The following STARD6 variants were observed in gnomAD, a reference collection of about 807,000 sequenced individuals.
The protein encoded by STARD6 is stAR-related lipid transfer protein 6.
A neutral mutation model predicts 22.3 loss-of-function variants in STARD6; 21 were observed. The ratio of observed to expected loss-of-function variants is 0.94; its 90% confidence interval spans 0.67 to 1.35. The LOEUF (loss-of-function observed/expected upper bound fraction) is 1.35. Among genes scored for constraint, STARD6 ranks in the 40% most tolerant of loss-of-function variants. The pLI, the probability that STARD6 is intolerant of heterozygous loss-of-function variation, is 0.00. For synonymous variants in STARD6, 80 were observed against 88.1 expected (o/e 0.91, Z 0.52); for missense variants, 269 against 266.9 (o/e 1.01, Z -0.05).
chr18:54,336,839 C>G (rs1467329589), intron 5 of STARD6, among the ~76,000 whole-genome samples: 2 of 152,152 alleles, frequency 1.3e-5, no homozygotes, highest in Non-Finnish European at 2.9e-5. Context: ...CTTTGTTTTC[C>G]ATGTAATGGA....
At chr18:54,328,501 G>T (rs145940834) in intron 7 of STARD6, among the ~76,000 whole-genome samples, 84 of 152,252 alleles carry the variant, frequency 5.5e-4, no homozygotes, top group African/African-American at 1.9e-3. Context: ...ACCATACATT[G>T]TTATTATTAT....
chr18:54,352,128 TG>T (rs2089103826), intron 4 of STARD6, among the ~76,000 whole-genome samples: 2 of 149,592 alleles, frequency 1.3e-5, no homozygotes, highest in Non-Finnish European at 1.5e-5. Flanking sequence ...TACTTGTTTT[TG>T]TTTTTTTTTT....
intron 4 of STARD6, among the ~76,000 whole-genome samples, chr18:54,342,144 C>T (rs553515971): frequency 3.9e-5 from 6 of 152,274 alleles, no homozygotes; most frequent in African/African-American, 9.6e-5. Flanking sequence ...AAATGGACAA[C>T]GTCCTAGAAA....
rs1243631041 is a variant in STARD6, at chr18:54,337,182, G to A, written c.210C>T (p.Asp70=). 6.2e-7 allele frequency: 1 copy of A among 1,613,368 alleles called. No homozygotes were observed. Among genetic ancestry groups the A allele is most frequent in the Non-Finnish European group, 8.5e-7 (1 of 1,179,542 alleles). Reference sequence around the variant, plus strand: ...GCAATGATTTATCCCATGTAATTCTGTCTCCAGTTTGGTAGAGGAAATCAG... The same window carrying A: ...GCAATGATTTATCCCATGTAATTCTATCTCCAGTTTGGTAGAGGAAATCAG... ...KLSDFLYQTG[D]RITWDKSLQV... is the part of the protein sequence containing the mutation. Residue 70 remains aspartate, a synonymous_variant, in exon 5 of 8, where the codon GAC becomes GAT. Coordinates refer to ENST00000307844, the MANE Select transcript of STARD6 (RefSeq NM_139171.2).
intron 6 of STARD6, among the ~76,000 whole-genome samples, chr18:54,331,043 A>C (rs1481124727): frequency 6.6e-6 from 1 of 152,148 alleles, no homozygotes; most frequent in Non-Finnish European, 1.5e-5. Context: ...TTGTTGGGAA[A>C]TAATAATTAA....
intron 4 of STARD6, among the ~76,000 whole-genome samples, chr18:54,344,072 G>A (rs1319245891): frequency 2.3e-5 from 1 of 43,636 alleles, no homozygotes; most frequent in Non-Finnish European, 3.8e-5. Context: ...TCTGGGAGGT[G>A]TGCCCAACAG....
intron 6 of STARD6, among the ~76,000 whole-genome samples, chr18:54,330,853 G>A (rs1349250156): frequency 1.3e-5 from 2 of 152,082 alleles, no homozygotes; most frequent in African/African-American, 4.8e-5. Context: ...GTTGTAGGCA[G>A]TGAATACATT....
intron 4 of STARD6, among the ~76,000 whole-genome samples, chr18:54,348,863 GA>G (rs941061163): frequency 1.4e-4 from 21 of 152,166 alleles, no homozygotes; most frequent in African/African-American, 5.1e-4. Flanking sequence ...AAATTATTAA[GA>G]AAAGGCATAA....
intron 5 of STARD6, among the ~76,000 whole-genome samples, chr18:54,335,179 T>G (rs1599299228): frequency 1.5e-5 from 1 of 67,292 alleles, no homozygotes; most frequent in South Asian, 7.1e-4. Flanking sequence ...TATTTATTTA[T>G]TTATTTATTT....
intron 5 of STARD6, among the ~76,000 whole-genome samples, chr18:54,335,308 C>T (rs1318848112): frequency 6.6e-6 from 1 of 152,042 alleles, no homozygotes; most frequent in Non-Finnish European, 1.5e-5. Flanking sequence ...GATTCTCCTG[C>T]CTCAGCCTCC....
In STARD6 at chr18:54,329,382, G is replaced by A. The variant is rs756915775; in HGVS notation, c.444C>T (p.Asn148=). 7.5e-6 allele frequency: 12 copies of A among 1,605,598 alleles called. No homozygotes were observed. Among genetic ancestry groups the A allele is most frequent in the South Asian group, 1.1e-5 (1 of 89,414 alleles). ...GTGAACATACAAAGCCACAAGGATG[G>A]TTATAACCGCGGATATAATTTGAAG... is the stretch of plus-strand genomic sequence containing the variant. The part of the protein sequence containing the change: ...PPSSNYIRGY[N]HPCGFVCSPM... The change falls in exon 7 of 8, where the codon AAC becomes AAT. Residue 148 remains asparagine (N), a synonymous_variant. Coordinates refer to ENST00000307844, the MANE Select transcript of STARD6 (RefSeq NM_139171.2).
chr18:54,339,479 T>TA (rs34972454), intron 4 of STARD6, among the ~76,000 whole-genome samples: 1,745 of 141,892 alleles, frequency 0.012, 16 homozygotes, highest in Middle Eastern at 0.025. Context: ...TGAAAGCAGT[T>TA]AAAAAAAAAA....
chr18:54,334,205 T>C (rs1199494055), intron 5 of STARD6, among the ~76,000 whole-genome samples: 3 of 152,166 alleles, frequency 2.0e-5, no homozygotes, highest in Non-Finnish European at 4.4e-5. Context: ...CTTACCTCCC[T>C]CTCCACGTCT....
At chr18:54,345,153 T>C (rs988178856) in intron 4 of STARD6, among the ~76,000 whole-genome samples, 1 of 152,008 alleles carries the variant, frequency 6.6e-6, no homozygotes, top group African/African-American at 2.4e-5. Context: ...CAGAATCCAC[T>C]AAAATAATAC....
intron 5 of STARD6, among the ~76,000 whole-genome samples, chr18:54,336,862 A>G (rs1171407024): frequency 4.6e-5 from 7 of 152,226 alleles, no homozygotes; most frequent in Non-Finnish European, 1.0e-4. Flanking sequence ...TGAATCCCTG[A>G]GTTCTGTTCC....
chr18:54,337,719 C>G (rs2088930193), intron 4 of STARD6, among the ~76,000 whole-genome samples: 1 of 152,164 alleles, frequency 6.6e-6, no homozygotes, highest in Admixed American at 6.5e-5. Flanking sequence ...CTGTCTGTCC[C>G]TCTACTGAAA....
intron 5 of STARD6, among the ~76,000 whole-genome samples, chr18:54,334,442 C>T (rs998520939): frequency 6.6e-6 from 1 of 152,238 alleles, no homozygotes; most frequent in South Asian, 2.1e-4. Context: ...CAAAACTTCT[C>T]CCCCTGACCT....
In STARD6 at chr18:54,354,126, C is replaced by T. The variant is rs767958369; in HGVS notation, c.91-23G>A. On this transcript the variant is annotated intron_variant, in intron 3 of 7. Coordinates refer to ENST00000307844, the MANE Select transcript of STARD6 (RefSeq NM_139171.2). ...TTTCTCAAAGGGGAATAAAAATCCA[C>T]AAATAATTAGCTGTCAAATGCAGGA... 2.1e-6 allele frequency: 3 copies of T among 1,457,472 alleles called. No homozygotes were observed. The South Asian group carries it at 4.1e-5, about 20-fold the overall frequency. 90.3% of individuals were successfully genotyped at this position (1,457,472 alleles called of 1,614,324 possible). A position where few individuals can be genotyped will look rare whatever the true frequency, so the allele number is the denominator to read the frequency against.
Position 54,342,487 on chromosome 18 carries a change from G to C in STARD6, c.141-5236C>G, listed in dbSNP as rs28731374. On this transcript the variant is annotated intron_variant, in intron 4 of 7. Transcript: ENST00000307844. ...TCCCTCCCTCTCCGTCTCCGTCTCC[G>C]TCTCCCTCTCCCCACGGTCTCCCTC... 2.3e-4 allele frequency among the ~76,000 whole-genome samples: 27 copies of C among 114,978 alleles called. No homozygotes were observed. In the East Asian group the frequency reaches 3.0e-3, roughly 13 times the overall value. 75.4% of individuals were successfully genotyped at this position (114,978 alleles called of 152,430 possible).
Sources: gnomAD v4.1 joint callset for allele counts (sites outside exome capture counted in the v4.1 genomes callset) on GRCh38, gnomAD v4.1.1 for gene constraint, MANE v1.5 for transcripts, NCBI Gene and HGNC (gene_info 2026-07-23, HGNC 2026-07-21) for gene names.